Variants in SNTG1 observed in about 807,000 individuals in gnomAD.
SNTG1 encodes gamma-1-syntrophin.
SNTG1 carries 39 observed loss-of-function variants against 74.7 expected under a neutral mutation model. The observed-to-expected ratio is 0.52, with a 90% CI of 0.40 to 0.68. The LOEUF is 0.68. Among genes scored for constraint, SNTG1 ranks in the 30% least tolerant of loss-of-function variants. The pLI is 0.00. For synonymous variants in SNTG1, 254 were observed against 217.1 expected (o/e 1.17, Z -1.49); for missense variants, 685 against 609.5 (o/e 1.12, Z -1.30).
intron 8 of SNTG1, chr8:50,490,895 G>C (rs1331816328): frequency 6.5e-6 from 1 of 152,818 alleles, no homozygotes; most frequent in Admixed American, 6.5e-5. Flanking sequence ...ACTGCTTCTG[G>C]CACTGCAGAT....
At chr8:50,284,590 A>G (rs555354364) in intron 2 of SNTG1, among the ~76,000 whole-genome samples, 2 of 152,194 alleles carry the variant, frequency 1.3e-5, no homozygotes, top group Admixed American at 6.5e-5. Context: ...AAATGCTCCA[A>G]TTTCATCTTG....
chr8:50,698,951 GTTC>G (rs569566004), intron 15 of SNTG1, among the ~76,000 whole-genome samples: 184 of 152,242 alleles, frequency 1.2e-3, no homozygotes, highest in African/African-American at 4.3e-3. Flanking sequence ...CAGGCTGACT[GTTC>G]TTCTTTTTCT....
intron 17 of SNTG1, among the ~76,000 whole-genome samples, chr8:50,742,498 C>G (rs118110249): frequency 6.6e-6 from 1 of 150,752 alleles, no homozygotes. Flanking sequence ...TGAGACAAAG[C>G]GAAAGCAGTA....
At chr8:50,133,931 G>T (rs989803659) in intron 1 of SNTG1, among the ~76,000 whole-genome samples, 32 of 152,276 alleles carry the variant, frequency 2.1e-4, no homozygotes, top group African/African-American at 7.7e-4. Flanking sequence ...ATTAACAAAA[G>T]AAGTCATGGA....
At chr8:50,048,896 T>C (rs1819326216) in intron 1 of SNTG1, among the ~76,000 whole-genome samples, 1 of 152,136 alleles carries the variant, frequency 6.6e-6, no homozygotes, top group South Asian at 2.1e-4. Flanking sequence ...TTCTTTACAT[T>C]GAAATTTGCT....
intron 1 of SNTG1, among the ~76,000 whole-genome samples, chr8:50,019,093 G>T (rs1816599160): frequency 6.6e-6 from 1 of 152,142 alleles, no homozygotes; most frequent in East Asian, 1.9e-4. Context: ...ATGAATGATT[G>T]CTAATACGTG....
chr8:50,658,441 TG>T (rs2095197362), intron 14 of SNTG1, 150 bp from the exon 15 acceptor site: 2 of 507,664 alleles, frequency 3.9e-6, no homozygotes, highest in Admixed American at 7.6e-5. Flanking sequence ...AAAAGCATTA[TG>T]TAGGGTCCTT....
chr8:50,715,840 A>G (rs1411917808), intron 17 of SNTG1, among the ~76,000 whole-genome samples: 1 of 152,196 alleles, frequency 6.6e-6, no homozygotes, highest in East Asian at 1.9e-4. Flanking sequence ...TTATTTTCCA[A>G]AATAATTATG....
chr8:50,630,388 G>A (rs1338820923), intron 13 of SNTG1, among the ~76,000 whole-genome samples: 1 of 152,096 alleles, frequency 6.6e-6, no homozygotes, highest in African/African-American at 2.4e-5. Flanking sequence ...TGTGATAAAG[G>A]CAGCCTAATA....
At chr8:50,367,129 G>T (rs1435154244) in intron 2 of SNTG1, among the ~76,000 whole-genome samples, 2 of 151,648 alleles carry the variant, frequency 1.3e-5, no homozygotes, top group African/African-American at 2.4e-5. Context: ...GATTCTAAGA[G>T]AATATTTGGA....
chr8:50,132,113 G>A (rs983812304), intron 1 of SNTG1, among the ~76,000 whole-genome samples: 4 of 151,992 alleles, frequency 2.6e-5, no homozygotes, highest in African/African-American at 4.8e-5. Context: ...AAAATGTGAT[G>A]CCTCTAGCTT....
intron 2 of SNTG1, among the ~76,000 whole-genome samples, chr8:50,263,074 C>T (rs2087277883): frequency 6.6e-6 from 1 of 152,086 alleles, no homozygotes. Context: ...AATGTATGTA[C>T]ACAAGAGTGA....
intron 13 of SNTG1, among the ~76,000 whole-genome samples, chr8:50,637,577 T>C (rs894155476): frequency 6.6e-6 from 1 of 152,112 alleles, no homozygotes; most frequent in African/African-American, 2.4e-5. Flanking sequence ...TCCACTACAG[T>C]ATTTAGTACA....
In SNTG1 at chr8:50,172,277, G is replaced by A. The variant is rs2082833887; in HGVS notation, c.-102-284G>A. Among the ~76,000 whole-genome samples the A allele has an allele frequency of 3.3e-5, 5 of 152,070 alleles. No homozygotes were observed. The South Asian group carries it at 1.0e-3, about 31-fold the overall frequency. ...CTACTGGCAAATGAAATATCCTCTG[G>A]TACTCCTTTTGAAGTCAATTTCCCC... On this transcript the variant is annotated intron_variant, in intron 1 of 18. Coordinates refer to ENST00000642720, the MANE Select transcript of SNTG1 (RefSeq NM_018967.5).
chr8:50,663,113 G>C (rs928880190), intron 15 of SNTG1, among the ~76,000 whole-genome samples: 1 of 152,116 alleles, frequency 6.6e-6, no homozygotes, highest in Non-Finnish European at 1.5e-5. Flanking sequence ...CCAGCCAGTA[G>C]GAGGGGAGGA....
chr8:49,929,584 C>T (rs1389515667), intron 1 of SNTG1, among the ~76,000 whole-genome samples: 5 of 152,328 alleles, frequency 3.3e-5, no homozygotes, highest in Admixed American at 6.5e-5. Context: ...GGGCTGCCCC[C>T]CTCCCATCCC....
chr8:49,931,682 A>G (rs115065294), intron 1 of SNTG1, among the ~76,000 whole-genome samples: 1,786 of 152,346 alleles, frequency 0.012, 35 homozygotes, highest in African/African-American at 0.04. Context: ...GTATGTATTC[A>G]CACACTAGAA....
intron 2 of SNTG1, among the ~76,000 whole-genome samples, chr8:50,231,368 A>G (rs2085614920): frequency 6.6e-6 from 1 of 151,426 alleles, no homozygotes; most frequent in African/African-American, 2.4e-5. Flanking sequence ...TGATCCAGCA[A>G]TCCCACTTCT....
At chr8:50,639,422 T>A (rs139745398) in intron 13 of SNTG1, among the ~76,000 whole-genome samples, 6 of 152,144 alleles carry the variant, frequency 3.9e-5, no homozygotes, top group African/African-American at 1.4e-4. Flanking sequence ...TTTTTGTTTT[T>A]CTATGAACTT....
Sources: allele counts gnomAD v4.1 joint callset (sites outside exome capture counted in the v4.1 genomes callset), GRCh38; gene constraint gnomAD v4.1.1; transcripts MANE v1.5; gene names NCBI Gene and HGNC (gene_info 2026-07-23, HGNC 2026-07-21).